Variants in TBC1D26 observed in about 807,000 individuals in gnomAD.
The protein encoded by TBC1D26 is TBC1 domain family member 26, also known as TBC1 domain family, member 26.
A neutral mutation model predicts 42.5 loss-of-function variants in TBC1D26; 19 were observed. That is an observed-to-expected ratio of 0.45 (90% CI 0.31 to 0.66). The LOEUF (loss-of-function observed/expected upper bound fraction) is 0.66. TBC1D26 is among the 30% of genes least tolerant of loss of function. The pLI, the probability that TBC1D26 is intolerant of heterozygous loss-of-function variation, is 0.06. For synonymous variants in TBC1D26, 97 were observed against 123.5 expected, an observed-to-expected ratio of 0.79 and a Z score of 1.42; for missense variants, 228 against 332.6, an observed-to-expected ratio of 0.69 and a Z score of 2.45.
intron 1 of TBC1D26, among the ~76,000 whole-genome samples, chr17:15,732,888 T>C (rs998053392): frequency 7.2e-5 from 11 of 152,108 alleles, no homozygotes; most frequent in African/African-American, 2.4e-4. Context: ...AGTGGACACA[T>C]GGGGTCCCTT....
chr17:15,741,072 C>G (rs1967762051), intron 9 of TBC1D26, 50 bp from the exon 10 acceptor site: 1 of 1,599,808 alleles, frequency 6.3e-7, no homozygotes, highest in Middle Eastern at 1.8e-4. Context: ...TCCCAGGTGG[C>G]CTCAGTCCTC....
intron 8 of TBC1D26, 42 bp from the exon 9 acceptor site, chr17:15,740,058 G>A: frequency 6.3e-7 from 1 of 1,581,228 alleles, no homozygotes; most frequent in Non-Finnish European, 8.6e-7. Flanking sequence ...GACAGCGTCT[G>A]CACACACACA....
intron 11 of TBC1D26, 108 bp downstream of exon 11, chr17:15,742,144 C>T: frequency 1.1e-6 from 1 of 898,836 alleles, no homozygotes; most frequent in Non-Finnish European, 1.7e-6. Context: ...CCAGCCACGG[C>T]CTGACCTGGG....
chr17:15,741,095 T>G (rs1438922461), intron 9 of TBC1D26, 27 bp from the exon 10 acceptor site: 4 of 1,605,074 alleles, frequency 2.5e-6, no homozygotes, highest in Non-Finnish European at 3.4e-6. Context: ...AGGTGACATC[T>G]TTCCACGGTG....
chr17:15,742,634 C>A (rs1461464084), intron 12 of TBC1D26, among the ~76,000 whole-genome samples, 155 bp downstream of exon 12: 2 of 152,246 alleles, frequency 1.3e-5, no homozygotes, highest in African/African-American at 4.8e-5. Context: ...AGGGCTCAGG[C>A]CCAGCCTCAT....
chr17:15,738,114 C>G, intron 6 of TBC1D26, 37 bp downstream of exon 6: 1 of 1,614,010 alleles, frequency 6.2e-7, no homozygotes, highest in Non-Finnish European at 8.5e-7. Context: ...TGACTGCTCT[C>G]TGCAGAGCCA....
intron 1 of TBC1D26, among the ~76,000 whole-genome samples, chr17:15,732,892 G>A (rs1597751806): frequency 6.6e-6 from 1 of 152,158 alleles, no homozygotes; most frequent in Non-Finnish European, 1.5e-5. Flanking sequence ...GACACATGGG[G>A]TCCCTTGTCT....
At chr17:15,736,217 G>C (rs1967608816) in intron 4 of TBC1D26, among the ~76,000 whole-genome samples, 1 of 152,266 alleles carries the variant, frequency 6.6e-6, no homozygotes, top group Admixed American at 6.5e-5. Flanking sequence ...GGGGACAACA[G>C]AGCATGCAAC....
At chr17:15,736,067 C>T (rs1467746518) in intron 4 of TBC1D26, among the ~76,000 whole-genome samples, 2 of 151,720 alleles carry the variant, frequency 1.3e-5, no homozygotes, top group African/African-American at 4.8e-5. Context: ...GGCCTCTGGG[C>T]AGTTGTATAG....
intron 9 of TBC1D26, 153 bp from the exon 10 acceptor site, chr17:15,740,969 C>T: frequency 1.0e-6 from 1 of 986,992 alleles, no homozygotes. Context: ...ATGTCCAGTG[C>T]CAGGGGAGGG....
rs375958701 is a variant in TBC1D26 at position 15,742,029 on chromosome 17, G to A, written c.734G>A (p.Arg245Lys). The A allele has an allele frequency of 4.5e-5, 73 of 1,613,796 alleles. No individual in the cohort carries two copies. Among genetic ancestry groups the A allele is most frequent in the Non-Finnish European group, 5.8e-5 (68 of 1,179,904 alleles). ...CACAAGTCCTTCCCAAAGATCATGA[G>A]ACACCTGGTGAGTGGATGACACCCT... ...VLHKSFPKIM[R>K]HLGKEGLCIE... Residue 245 changes from arginine (R) to lysine (K), a missense_variant, in exon 11 of 15, where the codon AGA becomes AAA. Physicochemically the swap from Arg to Lys is conservative, Grantham distance 26. This residue lies in a region of TBC1D26 where 130 missense variants were observed against 168.5 expected (regional missense o/e 0.77). Transcript: ENST00000437605.
chr17:15,736,917 G>A (rs1234143489), intron 4 of TBC1D26, among the ~76,000 whole-genome samples: 1 of 152,102 alleles, frequency 6.6e-6, no homozygotes, highest in African/African-American at 2.4e-5. Context: ...GGGCAGGATG[G>A]GGGAAGATGG....
intron 10 of TBC1D26, chr17:15,741,527 C>T: frequency 2.1e-6 from 1 of 486,180 alleles, no homozygotes; most frequent in East Asian, 3.8e-5. Flanking sequence ...CCACTCACCT[C>T]CCTGAGTGTC....
At position 15,738,822 on chromosome 17, in the gene TBC1D26, C is replaced by T. The variant is rs375113753; in HGVS notation, c.489C>T (p.Phe163=). 4.8e-5 allele frequency: 77 copies of T among 1,613,250 alleles called. No homozygotes were observed. Among genetic ancestry groups the T allele is most frequent in the Non-Finnish European group, 6.1e-5 (72 of 1,179,850 alleles). The part of the protein sequence containing the change: ...LQKHMMFIQR[F]GVKQQELCDI... ...AACACATGATGTTCATACAAAGATTCGGAGTCAAGTAAGGCCAATGGGGCT... is the reference window on the plus strand; with the variant it reads ...AACACATGATGTTCATACAAAGATTTGGAGTCAAGTAAGGCCAATGGGGCT... The change falls in exon 8 of 15, where the codon TTC becomes TTT. Residue 163 remains phenylalanine, a synonymous_variant. Transcript: ENST00000437605.
At chr17:15,741,275 G>C in intron 10 of TBC1D26, 54 bp downstream of exon 10, 1 of 1,610,150 alleles carries the variant, frequency 6.2e-7, no homozygotes, top group Non-Finnish European at 8.5e-7. Context: ...GCCTTACACA[G>C]CCATGCCAGG....
At chr17:15,736,853 C>G (rs1254366755) in intron 4 of TBC1D26, among the ~76,000 whole-genome samples, 1 of 152,282 alleles carries the variant, frequency 6.6e-6, no homozygotes, top group Non-Finnish European at 1.5e-5. Context: ...TCTGAAAGGA[C>G]AAGGGTCACA....
At chr17:15,736,603 G>T (rs1477158570) in intron 4 of TBC1D26, 4 of 151,900 alleles carry the variant, frequency 2.6e-5, no homozygotes, top group Non-Finnish European at 4.4e-5. Context: ...AGTAGGGGAG[G>T]ACAGCCAAGC....
intron 5 of TBC1D26, 129 bp from the exon 6 acceptor site, chr17:15,737,867 CT>C (rs1967661575): frequency 8.3e-7 from 1 of 1,203,380 alleles, no homozygotes; most frequent in Non-Finnish European, 1.2e-6. Flanking sequence ...GTCTCAGCCC[CT>C]GGGGCCTGCC....
In TBC1D26 at chr17:15,738,297, C is replaced by T. The variant is rs1402696454; in HGVS notation, c.297C>T (p.Tyr99=). The T allele has an allele frequency of 1.4e-5, 22 of 1,613,534 alleles. No homozygotes were observed. Among genetic ancestry groups the T allele is most frequent in the Non-Finnish European group, 1.9e-5 (22 of 1,179,978 alleles). Residue 99 remains tyrosine, a synonymous_variant, in exon 7 of 15, where the codon TAC becomes TAT. Coordinates refer to ENST00000437605, the MANE Select transcript of TBC1D26 (RefSeq NM_001388465.1). ...GTCTGTAGCTGTCTCAAAGAGTATACAAAGTCATTCCCCTGGCGGTACGGG... is the reference window on the plus strand; with the variant it reads ...GTCTGTAGCTGTCTCAAAGAGTATATAAAGTCATTCCCCTGGCGGTACGGG... ...RSTKKLSQRV[Y]KVIPLAVRGR...
Sources: gnomAD v4.1 joint callset for allele counts (sites outside exome capture counted in the v4.1 genomes callset) on GRCh38, gnomAD v4.1.1 for gene constraint, gnomAD v4.1.1 regional missense constraint, MANE v1.5 for transcripts, NCBI Gene and HGNC (gene_info 2026-07-23, HGNC 2026-07-21) for gene names.